VPS13A: variants seen among roughly 807,000 people sequenced by gnomAD.
VPS13A encodes intermembrane lipid transfer protein VPS13A.
In VPS13A, 264 loss-of-function variants were observed where a neutral mutation model predicts 390.9. That is an observed-to-expected ratio of 0.68 (90% CI 0.61 to 0.75). The LOEUF (loss-of-function observed/expected upper bound fraction) is 0.75. VPS13A is among the 30% of genes least tolerant of loss of function. The probability of loss-of-function intolerance (pLI) is 0.00; values close to 1 mark genes in which losing one functional copy is unlikely to be tolerated. For synonymous variants in VPS13A, 1,231 were observed against 1,227.1 expected, an observed-to-expected ratio of 1.00 and a Z score of -0.07; for missense variants, 3,409 against 3,733.9, an observed-to-expected ratio of 0.91 and a Z score of 2.27.
rs1421117318 is a variant in VPS13A, at chr9:77,303,005, G to T, written c.3903G>T (p.Trp1301Cys). The change falls in exon 34 of 72, where the codon TGG (tryptophan) becomes TGT (cysteine). Residue 1301 changes from tryptophan to cysteine, a missense_variant. Trp to Cys is a radical substitution (Grantham distance 215). Around this residue, in one of 5 missense-constraint regions of VPS13A, gnomAD observed 2,717 missense variants for 2,917.4 expected, o/e 0.93. Transcript: ENST00000360280. The part of the protein sequence containing the change: ...LEVVVERNLC[W>C]EWYQEVPCFN... ...TTGTGGTTGAACGAAATTTATGCTG[G>T]GAGTGGTACCAGGAAGTTCCTTGTT... 1.9e-5 allele frequency: 30 copies of T among 1,614,008 alleles called. No individual in the cohort carries two copies. Among genetic ancestry groups the T allele is most frequent in the Admixed American group, 3.3e-5 (2 of 60,012 alleles).
intron 59 of VPS13A, among the ~76,000 whole-genome samples, chr9:77,361,008 T>C (rs1832111157): frequency 1.3e-5 from 2 of 152,104 alleles, no homozygotes. Flanking sequence ...GGTGGTATCA[T>C]CTGGGTGACT....
chr9:77,254,028 C>T (rs1211235028), intron 22 of VPS13A, among the ~76,000 whole-genome samples: 8 of 148,948 alleles, frequency 5.4e-5, no homozygotes, highest in South Asian at 2.1e-4. Flanking sequence ...CTGCAGGCTC[C>T]GCCCCCCAGG....
intron 31 of VPS13A, among the ~76,000 whole-genome samples, chr9:77,288,793 C>G (rs2131362173): frequency 6.6e-6 from 1 of 152,282 alleles, no homozygotes; most frequent in Middle Eastern, 3.4e-3. Flanking sequence ...ATTCAGGCTA[C>G]TGATTTTCTG....
chr9:77,404,054 G>C (rs1310135384), intron 69 of VPS13A, among the ~76,000 whole-genome samples: 4 of 152,260 alleles, frequency 2.6e-5, no homozygotes, highest in East Asian at 3.9e-4. Flanking sequence ...CTCAATTTCT[G>C]AATCTAAAAT....
intron 71 of VPS13A, among the ~76,000 whole-genome samples, chr9:77,411,255 A>C (rs1462674563): frequency 2.0e-5 from 3 of 152,214 alleles, no homozygotes; most frequent in Non-Finnish European, 4.4e-5. Context: ...ACAAAGACAC[A>C]ACATAGCAGA....
At chr9:77,277,378 A>G (rs1356416854) in intron 26 of VPS13A, among the ~76,000 whole-genome samples, 1 of 152,198 alleles carries the variant, frequency 6.6e-6, no homozygotes, top group Non-Finnish European at 1.5e-5. Flanking sequence ...CATTATCAAC[A>G]TCCTCCACTA....
intron 71 of VPS13A, among the ~76,000 whole-genome samples, chr9:77,408,766 C>G (rs969599791): frequency 6.6e-6 from 1 of 152,190 alleles, no homozygotes; most frequent in Non-Finnish European, 1.5e-5. Flanking sequence ...CCGCCATTGC[C>G]CAGGCTTGAG....
intron 23 of VPS13A, among the ~76,000 whole-genome samples, chr9:77,261,376 C>T (rs1369954136): frequency 1.3e-5 from 2 of 151,638 alleles, no homozygotes; most frequent in African/African-American, 4.8e-5. Flanking sequence ...CCATCTTTTG[C>T]TTAATATATC....
intron 37 of VPS13A, 130 bp from the exon 38 acceptor site, chr9:77,315,123 C>T (rs1785359018): frequency 1.3e-6 from 1 of 797,714 alleles, no homozygotes; most frequent in Non-Finnish European, 2.0e-6. Flanking sequence ...TATGGATCTT[C>T]CCAAGAGACA....
intron 29 of VPS13A, 128 bp from the exon 30 acceptor site, chr9:77,283,227 A>G (rs1382259460): frequency 8.0e-6 from 5 of 624,218 alleles, no homozygotes; most frequent in South Asian, 2.0e-5. Context: ...CTTGCTTTCA[A>G]CTGAATTGCA....
At chr9:77,325,298 A>T (rs899120363) in intron 45 of VPS13A, among the ~76,000 whole-genome samples, 14 of 152,112 alleles carry the variant, frequency 9.2e-5, no homozygotes, top group African/African-American at 3.4e-4. Flanking sequence ...CCCACTTCTT[A>T]ACAGGCCACA....
At chr9:77,274,388 A>G (rs1587470847) in intron 24 of VPS13A, among the ~76,000 whole-genome samples, 2 of 149,620 alleles carry the variant, frequency 1.3e-5, no homozygotes, top group East Asian at 2.0e-4. Context: ...AGATCGTGCC[A>G]CTGTGCTCCA....
intron 40 of VPS13A, 79 bp downstream of exon 40, chr9:77,317,777 CTT>C: frequency 3.7e-6 from 4 of 1,090,476 alleles, no homozygotes; most frequent in Non-Finnish European, 5.2e-6. Flanking sequence ...TATAGCAAGT[CTT>C]TTAATTGTTA....
intron 61 of VPS13A, among the ~76,000 whole-genome samples, chr9:77,367,532 A>T (rs910714112): frequency 6.6e-6 from 1 of 152,248 alleles, no homozygotes; most frequent in Non-Finnish European, 1.5e-5. Flanking sequence ...ATAGTATTCT[A>T]CTTAGCAACA....
chr9:77,279,094 G>A (rs537162224), intron 26 of VPS13A, among the ~76,000 whole-genome samples: 5 of 152,204 alleles, frequency 3.3e-5, no homozygotes, highest in Admixed American at 6.5e-5. Context: ...TAATCACCTC[G>A]ATAGACCGTC....
At chr9:77,387,869 C>A (rs1401033143) in intron 68 of VPS13A, among the ~76,000 whole-genome samples, 2 of 137,930 alleles carry the variant, frequency 1.5e-5, no homozygotes, top group Non-Finnish European at 1.6e-5. Context: ...CATCAATATT[C>A]AATGTGAAAA....
rs1296924903 is a variant in VPS13A at position 77,316,231 on chromosome 9, TTG to T, written c.4692_4693del (p.Phe1565CysfsTer3). ...AATGTTATTATTAAAAATCCTGAAATTGTGTTTGTAGCTGACATGACAAAAAA... is the reference window on the plus strand; with the variant it reads ...AATGTTATTATTAAAAATCCTGAAATTGTTTGTAGCTGACATGACAAAAAA... On this transcript the variant is annotated frameshift_variant, in exon 39 of 72. Transcript: ENST00000360280. LOFTEE classifies it high-confidence loss of function. The T allele has an allele frequency of 6.2e-6, 10 of 1,613,032 alleles. No individual in the cohort carries two copies. Among genetic ancestry groups the T allele is most frequent in the Non-Finnish European group, 8.5e-6 (10 of 1,179,352 alleles).
chr9:77,413,981 A>G (rs1835059622), intron 71 of VPS13A, among the ~76,000 whole-genome samples: 1 of 152,258 alleles, frequency 6.6e-6, no homozygotes, highest in East Asian at 1.9e-4. Context: ...CAGAAGACAC[A>G]TGAAAAAATG....
chr9:77,355,081 C>G (rs183970837), intron 54 of VPS13A, among the ~76,000 whole-genome samples: 2 of 152,270 alleles, frequency 1.3e-5, no homozygotes, highest in Admixed American at 1.3e-4. Context: ...TTCCTTGCTA[C>G]CTGTTGCTCA....
Sources: allele counts gnomAD v4.1 joint callset (sites outside exome capture counted in the v4.1 genomes callset), GRCh38; gene constraint gnomAD v4.1.1; regional missense constraint gnomAD v4.1.1; transcripts MANE v1.5; gene names NCBI Gene and HGNC (gene_info 2026-07-23, HGNC 2026-07-21).